NCAPD3: variants seen among roughly 807,000 people sequenced by gnomAD.
NCAPD3 encodes condensin-2 complex subunit D3.
In NCAPD3, 105 loss-of-function variants were observed where a neutral mutation model predicts 182.9. That is an observed-to-expected ratio of 0.57 (90% CI 0.49 to 0.68). The LOEUF (loss-of-function observed/expected upper bound fraction) is 0.68, where lower values mean the gene tolerates loss of function less well. Among genes scored for constraint, NCAPD3 ranks in the 30% least tolerant of loss-of-function variants. The pLI is 0.00. For synonymous variants in NCAPD3, 815 were observed against 679.9 expected, an observed-to-expected ratio of 1.20 and a Z score of -3.09; for missense variants, 1,944 against 1,837.0, an observed-to-expected ratio of 1.06 and a Z score of -1.07.
At position 134,220,736 on chromosome 11, in the gene NCAPD3, A is replaced by G; in HGVS notation, c.65-10T>C. On this transcript the variant is annotated splice_polypyrimidine_tract_variant and intron_variant, in intron 1 of 34. Coordinates refer to ENST00000534548, the MANE Select transcript of NCAPD3 (RefSeq NM_015261.3). ...ACTGTGTCAACCCATTCTAGGGGAA[A>G]ATGCAATGAAATGTGTAAGTACTCT... The G allele has an allele frequency of 1.2e-6, 2 of 1,609,098 alleles. 1 individual carries two copies. The highest frequency in any genetic ancestry group is 3.3e-5 in the Admixed American group (2 of 59,878).
chr11:134,168,807 A>G (rs1355619293), intron 25 of NCAPD3, 110 bp downstream of exon 25: 8 of 1,442,104 alleles, frequency 5.5e-6, no homozygotes, highest in Non-Finnish European at 3.8e-6. Context: ...CACAGTAAAG[A>G]CCTGGGGCAG....
At position 134,192,859 on chromosome 11, in the gene NCAPD3, G is replaced by T; in HGVS notation, c.1875C>A (p.Val625=). 1 of 1,614,002 alleles carries T rather than the reference G, an allele frequency of 6.2e-7. No individual in the cohort carries two copies. The highest frequency in any genetic ancestry group is 1.1e-5 in the South Asian group (1 of 91,068). Reference sequence around the variant, plus strand: ...TGCTCTCGCAGTCCATCACCACCGGGACCACCCCCCGCAACCAGGCTTTCT... The same window carrying T: ...TGCTCTCGCAGTCCATCACCACCGGTACCACCCCCCGCAACCAGGCTTTCT... ...QIQKAWLRGV[V]PVVMDCESTV... The change falls in exon 16 of 35, where the codon GTC becomes GTA. Residue 625 remains valine, a synonymous_variant. Transcript: ENST00000534548.
Position 134,206,613 on chromosome 11 carries a change from C to T in NCAPD3, c.1002G>A (p.Ala334=), listed in dbSNP as rs772618125. The change falls in exon 8 of 35, where the codon GCG becomes GCA. Residue 334 remains alanine (A), a synonymous_variant. Transcript: ENST00000534548. Reference sequence around the variant, plus strand: ...GTGTGCTTCACCTGATAAACTGGACCGCCTGGTTTCTACAGTTGATGACTT... The same window carrying T: ...GTGTGCTTCACCTGATAAACTGGACTGCCTGGTTTCTACAGTTGATGACTT... ...TSQVINCRNQ[A]VQFISALVDE... 27 of 1,612,992 alleles carry T rather than the reference C, an allele frequency of 1.7e-5. No homozygotes were observed. The highest frequency in any genetic ancestry group is 7.7e-5 in the South Asian group (7 of 90,852).
At chr11:134,215,196 A>G (rs977648711) in intron 3 of NCAPD3, among the ~76,000 whole-genome samples, 2 of 152,014 alleles carry the variant, frequency 1.3e-5, no homozygotes, top group Non-Finnish European at 1.5e-5. Flanking sequence ...AATAAGGGCC[A>G]TCCTGAGAAA....
chr11:134,180,900 G>GA, intron 20 of NCAPD3, among the ~76,000 whole-genome samples, 177 bp downstream of exon 20: 1 of 151,870 alleles, frequency 6.6e-6, no homozygotes, highest in East Asian at 1.9e-4. Flanking sequence ...AAGTATATAA[G>GA]AAAAAAATGA....
chr11:134,224,105 A>C (rs371647136), upstream of NCAPD3: 212 of 738,900 alleles, frequency 2.9e-4, 2 homozygotes, highest in East Asian at 5.0e-3. Flanking sequence ...GCACGCTCAG[A>C]GAACTGGGCG....
intron 20 of NCAPD3, 95 bp downstream of exon 20, chr11:134,180,980 TAA>T: frequency 1.2e-6 from 1 of 843,236 alleles, no homozygotes; most frequent in Non-Finnish European, 1.9e-6. Flanking sequence ...GCTCTTTTGT[TAA>T]AAGCATTTAA....
chr11:134,214,054 A>C (rs1194609844), intron 3 of NCAPD3, among the ~76,000 whole-genome samples: 1 of 151,984 alleles, frequency 6.6e-6, no homozygotes, highest in Non-Finnish European at 1.5e-5. Flanking sequence ...CTTGAATAAC[A>C]TTTGTAACCA....
At chr11:134,202,273 T>C (rs77662613) in intron 13 of NCAPD3, among the ~76,000 whole-genome samples, 1,947 of 152,350 alleles carry the variant, frequency 0.013, 36 homozygotes, top group African/African-American at 0.044. Context: ...CCAACAGTCG[T>C]CTGGGAAAGA....
At position 134,153,177 on chromosome 11, in the gene NCAPD3, C is replaced by T. The variant is rs747474828; in HGVS notation, c.4351G>A (p.Gly1451Arg). Reference protein sequence around the residue: ...AKEKIEGRSQGNDILCLSLPD... With the variant: ...AKEKIEGRSQRNDILCLSLPD... ...AGTGATAAACATAAGATGTCATTTC[C>T]TTGACTCCGGCCTTCAATTTTCTCT... is the stretch of plus-strand genomic sequence containing the variant. Residue 1451 changes from glycine to arginine, a missense_variant, in exon 34 of 35, where the codon GGA becomes AGA. By Grantham distance (125) the Gly-to-Arg change is moderately radical (BLOSUM62 -2). Around this residue, in one of 3 missense-constraint regions of NCAPD3, gnomAD observed 1,803 missense variants for 1,674.6 expected, o/e 1.08. Transcript: ENST00000534548. The T allele has an allele frequency of 9.9e-6, 16 of 1,614,080 alleles. No homozygotes were observed. The Admixed American group carries it at 2.7e-4, about 27-fold the overall frequency.
In NCAPD3 at chr11:134,192,633, A is replaced by C. The variant is rs1944546961; in HGVS notation, c.2045+56T>G. 3.4e-6 allele frequency: 5 copies of C among 1,472,286 alleles called. No homozygotes were observed. In the Admixed American group the frequency reaches 9.2e-5, roughly 27 times the overall value. The allele number at this position is 1,472,286 out of a possible 1,614,324, so 91.2% of individuals were successfully genotyped here. On this transcript the variant is annotated intron_variant, in intron 16 of 34. Transcript: ENST00000534548. Reference sequence around the variant, plus strand: ...GAGGACCAATAGGAGAAATTTATTAATACAAAGTCCTACGGCCTTCTTCTA... The same window carrying C: ...GAGGACCAATAGGAGAAATTTATTACTACAAAGTCCTACGGCCTTCTTCTA...
intron 27 of NCAPD3, among the ~76,000 whole-genome samples, chr11:134,162,297 C>T (rs1434721711): frequency 6.6e-6 from 1 of 152,218 alleles, no homozygotes; most frequent in Admixed American, 6.5e-5. Flanking sequence ...CAGAGGGACA[C>T]TTCGTATTCC....
chr11:134,165,323 T>A (rs966811316), intron 27 of NCAPD3, among the ~76,000 whole-genome samples: 1 of 150,684 alleles, frequency 6.6e-6, no homozygotes, highest in Non-Finnish European at 1.5e-5. Flanking sequence ...ACTTGTGACA[T>A]GAGCTTAAGT....
At chr11:134,205,624 G>C (rs906495449) in intron 8 of NCAPD3, among the ~76,000 whole-genome samples, 2 of 151,968 alleles carry the variant, frequency 1.3e-5, no homozygotes, top group Admixed American at 6.6e-5. Context: ...TGATCCGCCC[G>C]CCTCGGCCTC....
upstream of NCAPD3, chr11:134,224,026 AT>A: frequency 7.1e-7 from 1 of 1,416,968 alleles, no homozygotes; most frequent in Non-Finnish European, 9.7e-7. Flanking sequence ...AACGTACAGA[AT>A]TTCCCACTGG....
chr11:134,205,270 A>G (rs1944826211), intron 8 of NCAPD3, among the ~76,000 whole-genome samples: 1 of 152,206 alleles, frequency 6.6e-6, no homozygotes, highest in Admixed American at 6.5e-5. Context: ...TGTAAAATAT[A>G]TCCTTTGGGG....
intron 1 of NCAPD3, among the ~76,000 whole-genome samples, chr11:134,222,535 A>G (rs1938269714): frequency 6.6e-6 from 1 of 152,262 alleles, no homozygotes; most frequent in Non-Finnish European, 1.5e-5. Flanking sequence ...TTTGTGAAAC[A>G]TAATGTGTAT....
At chr11:134,167,493 G>T (rs1565526652) in intron 27 of NCAPD3, among the ~76,000 whole-genome samples, 1 of 143,784 alleles carries the variant, frequency 7.0e-6, no homozygotes, top group African/African-American at 2.6e-5. Context: ...GCTTGGGGGA[G>T]GCGCACACTC....
intron 4 of NCAPD3, chr11:134,209,680 G>C (rs192785138): frequency 1.5e-4 from 76 of 497,226 alleles, no homozygotes; most frequent in African/African-American, 1.3e-3. Context: ...CGCTACAGTA[G>C]TTTCTAGTTT....
Sources: gnomAD v4.1 joint callset for allele counts (sites outside exome capture counted in the v4.1 genomes callset) on GRCh38, gnomAD v4.1.1 for gene constraint, gnomAD v4.1.1 regional missense constraint, MANE v1.5 for transcripts, NCBI Gene and HGNC (gene_info 2026-07-23, HGNC 2026-07-21) for gene names.